The following PTPRA variants were observed in gnomAD, a reference collection of about 807,000 sequenced individuals.
The protein encoded by PTPRA is receptor-type tyrosine-protein phosphatase alpha.
PTPRA carries 25 observed loss-of-function variants against 104.8 expected under a neutral mutation model. That is an observed-to-expected ratio of 0.24 (90% confidence interval 0.17 to 0.33). PTPRA has a LOEUF of 0.33. PTPRA is among the 10% of genes least tolerant of loss of function. The pLI is 1.00. For synonymous variants in PTPRA, 323 were observed against 368.9 expected (o/e 0.88, Z 1.43); for missense variants, 765 against 1,015.3 (o/e 0.75, Z 3.35).
At chr20:2,904,059 A>G (rs1195779343) in intron 1 of PTPRA, among the ~76,000 whole-genome samples, 2 of 151,976 alleles carry the variant, frequency 1.3e-5, no homozygotes, top group Non-Finnish European at 2.9e-5. Context: ...GACGCGTGCC[A>G]CCATGCCCAG....
chr20:2,900,115 CAA>C (rs1379069534), intron 1 of PTPRA, among the ~76,000 whole-genome samples: 1 of 89,022 alleles, frequency 1.1e-5, no homozygotes, highest in African/African-American at 3.4e-5. Flanking sequence ...ATCTCAAAAA[CAA>C]AACAAAACAA....
chr20:3,017,934 T>A (rs1313843375), intron 13 of PTPRA, 21 bp downstream of exon 13: 2 of 1,590,214 alleles, frequency 1.3e-6, no homozygotes, highest in East Asian at 4.5e-5. Context: ...AAATTGGATG[T>A]GAACAGCAGA....
At chr20:2,909,933 T>A in intron 1 of PTPRA, among the ~76,000 whole-genome samples, 1 of 129,910 alleles carries the variant, frequency 7.7e-6, no homozygotes, top group African/African-American at 3.0e-5. Context: ...TTGTTATATA[T>A]AATATGTGTA....
intron 1 of PTPRA, among the ~76,000 whole-genome samples, chr20:2,916,329 C>T (rs1206272964): frequency 6.6e-6 from 1 of 152,142 alleles, no homozygotes; most frequent in Non-Finnish European, 1.5e-5. Context: ...AGGCGTGAGC[C>T]ACCACTTTCA....
chr20:2,997,135 CATAT>C (rs11468156), intron 9 of PTPRA, among the ~76,000 whole-genome samples: 51,760 of 151,526 alleles, frequency 0.34, 10,057 homozygotes, highest in East Asian at 0.68. Context: ...TGTGAGAAAA[CATAT>C]GTGGGATAAT....
intron 22 of PTPRA, among the ~76,000 whole-genome samples, chr20:3,036,522 A>G (rs1194245935): frequency 1.3e-5 from 2 of 152,348 alleles, no homozygotes; most frequent in East Asian, 3.9e-4. Flanking sequence ...TTTCCCAGGC[A>G]GCCACAGGGC....
chr20:3,031,308 CTTT>C (rs1029841242), intron 20 of PTPRA, among the ~76,000 whole-genome samples: 1 of 151,656 alleles, frequency 6.6e-6, no homozygotes, highest in Admixed American at 6.6e-5. Context: ...TGTTTCACTT[CTTT>C]AAGATGCTAT....
At chr20:3,009,588 T>A (rs1262399613) in intron 11 of PTPRA, among the ~76,000 whole-genome samples, 1 of 152,188 alleles carries the variant, frequency 6.6e-6, no homozygotes, top group African/African-American at 2.4e-5. Context: ...GAAGTTCCTG[T>A]ATGTATGTTT....
chr20:2,922,004 G>A (rs764585996), intron 1 of PTPRA, among the ~76,000 whole-genome samples: 1 of 152,136 alleles, frequency 6.6e-6, no homozygotes, highest in Non-Finnish European at 1.5e-5. Context: ...CAGCATCCTA[G>A]GCCTCTATCC....
intron 6 of PTPRA, among the ~76,000 whole-genome samples, chr20:2,985,306 C>T (rs1035188919): frequency 6.6e-6 from 1 of 152,194 alleles, no homozygotes; most frequent in African/African-American, 2.4e-5. Flanking sequence ...AATTAGACAA[C>T]TGTGTTTCGG....
intron 13 of PTPRA, among the ~76,000 whole-genome samples, chr20:3,018,461 C>A (rs1359183535): frequency 6.6e-6 from 1 of 151,466 alleles, no homozygotes; most frequent in Non-Finnish European, 1.5e-5. Flanking sequence ...ATCTGTTTAA[C>A]AAAGCACATC....
intron 8 of PTPRA, 99 bp from the exon 9 acceptor site, chr20:2,988,239 C>T (rs1688851475): frequency 6.5e-7 from 1 of 1,535,610 alleles, no homozygotes; most frequent in Non-Finnish European, 8.8e-7. Context: ...AGTCCTAGTT[C>T]TTACAGGCTT....
chr20:2,974,167 G>A (rs931356554), intron 5 of PTPRA, among the ~76,000 whole-genome samples: 2 of 151,568 alleles, frequency 1.3e-5, no homozygotes, highest in Non-Finnish European at 2.9e-5. Flanking sequence ...TGTTACCCAG[G>A]ATGGTCTCAT....
the PTPRA span, chr20:2,865,315 G>C: frequency 6.2e-7 from 1 of 1,614,192 alleles, no homozygotes; most frequent in Non-Finnish European, 8.5e-7. This position sits in a 1 kb window ranked among gnomAD's most constrained non-coding sequence, Gnocchi z 5.2. Context: ...TCCCTGACAA[G>C]AGGTAGGTGA....
At position 2,910,027 on chromosome 20, in the gene PTPRA, TATATC is replaced by T. The variant is rs1404127885; in HGVS notation, c.-128-13170_-128-13166del. On this transcript the variant is annotated intron_variant, in intron 1 of 23. Coordinates refer to ENST00000399903, the MANE Select transcript of PTPRA (RefSeq NM_001385305.1). ...ATCATATATCATATATAATCTATCA[TATATC>T]ATATCATATATAATATATATCATAT... 3.8e-3 allele frequency among the ~76,000 whole-genome samples: 334 copies of T among 87,986 alleles called. 3 individuals carry two copies. The highest frequency in any genetic ancestry group is 0.024 in the African/African-American group (295 of 12,526). The allele number at this position is 87,986 out of a possible 152,430, so 57.7% of individuals were successfully genotyped here. A position where few individuals can be genotyped will look rare whatever the true frequency, so the allele number is the denominator to read the frequency against.
chr20:2,999,576 G>C (rs1036384539), intron 9 of PTPRA, among the ~76,000 whole-genome samples: 1 of 152,184 alleles, frequency 6.6e-6, no homozygotes, highest in Admixed American at 6.5e-5. Context: ...ACCTATTTAT[G>C]ACAGAAATGC....
intron 1 of PTPRA, among the ~76,000 whole-genome samples, chr20:2,890,901 C>T (rs1373536984): frequency 6.6e-6 from 1 of 152,162 alleles, no homozygotes; most frequent in Non-Finnish European, 1.5e-5. Context: ...GTTTCAGCTT[C>T]CTTGCTAATT....
At position 3,035,417 on chromosome 20, in the gene PTPRA, A is replaced by T. The variant is rs965652782; in HGVS notation, c.1921-168A>T. Among the ~76,000 whole-genome samples, 1 of 152,150 alleles carries T rather than the reference A, an allele frequency of 6.6e-6. No individual in the cohort carries two copies. The highest frequency in any genetic ancestry group is 2.4e-5 in the African/African-American group (1 of 41,424). ...TGGTCTCTGGTGAGGATCGGAGGTT[A>T]ATTGGAATGATGTGATATAATGATC... On this transcript the variant is annotated intron_variant, in intron 20 of 23. Transcript: ENST00000399903. This position sits in a 1 kb window ranked among gnomAD's most constrained non-coding sequence, Gnocchi z 5.8.
chr20:2,995,514 G>A (rs1212380278), intron 9 of PTPRA, among the ~76,000 whole-genome samples: 2 of 152,122 alleles, frequency 1.3e-5, no homozygotes, highest in Non-Finnish European at 2.9e-5. Context: ...TGGGTTGTGG[G>A]GCAGTTTTCA....
Sources: allele counts gnomAD v4.1 joint callset (sites outside exome capture counted in the v4.1 genomes callset), GRCh38; gene constraint gnomAD v4.1.1; non-coding constraint Gnocchi (gnomAD v3.1); transcripts MANE v1.5; gene names NCBI Gene and HGNC (gene_info 2026-07-23, HGNC 2026-07-21).